Variants in RALGDS observed in about 807,000 individuals in gnomAD.
The protein encoded by RALGDS is ral guanine nucleotide dissociation stimulator, also known as ral guanine nucleotide exchange factor.
Under a neutral mutation model 99.8 loss-of-function variants are expected in RALGDS, and 44 were observed. That is an observed-to-expected ratio of 0.44 (90% CI 0.35 to 0.57). The LOEUF (loss-of-function observed/expected upper bound fraction) is 0.57. RALGDS is among the 20% of genes least tolerant of loss of function. RALGDS has a pLI of 0.01. For synonymous variants in RALGDS, 529 were observed against 505.0 expected, an observed-to-expected ratio of 1.05 and a Z score of -0.64; for missense variants, 1,022 against 1,203.1, an observed-to-expected ratio of 0.85 and a Z score of 2.23.
At chr9:133,120,349 C>A (rs979483543) in intron 1 of RALGDS, among the ~76,000 whole-genome samples, 17 of 152,122 alleles carry the variant, frequency 1.1e-4, no homozygotes, top group Non-Finnish European at 1.6e-4. Flanking sequence ...CCGCCCTGGG[C>A]CTGGGCCACC....
upstream of RALGDS, among the ~76,000 whole-genome samples, chr9:133,124,028 GCA>G (rs199594684): frequency 1.9e-5 from 1 of 51,824 alleles, no homozygotes; most frequent in Admixed American, 2.3e-4. Context: ...ACACAGAGAT[GCA>G]CACACAGAGA....
chr9:133,110,182 A>G (rs1831274311), intron 3 of RALGDS, 114 bp downstream of exon 3: 7 of 1,134,902 alleles, frequency 6.2e-6, no homozygotes, highest in Non-Finnish European at 9.0e-6. Flanking sequence ...TTTCTCTTTC[A>G]TATGAGCAAA....
At chr9:133,124,627 CT>C (rs1832090357), upstream of RALGDS, among the ~76,000 whole-genome samples, 1 of 152,216 alleles carries the variant, frequency 6.6e-6, no homozygotes, top group South Asian at 2.1e-4. Context: ...ACATGCCCCC[CT>C]AATGAAGGCA....
intron 11 of RALGDS, 76 bp downstream of exon 11, chr9:133,103,671 G>T: frequency 7.0e-7 from 1 of 1,429,154 alleles, no homozygotes; most frequent in Non-Finnish European, 9.9e-7. Flanking sequence ...TGGGACAGGT[G>T]TGGCAGCCCA....
At chr9:133,131,869 G>A (rs555697735), upstream of RALGDS, among the ~76,000 whole-genome samples, 22 of 152,358 alleles carry the variant, frequency 1.4e-4, no homozygotes, top group African/African-American at 3.8e-4. Context: ...GCACAAGGGC[G>A]CTGGAGGATT....
rs1831162479 is a variant in RALGDS, at chr9:133,108,148, G to A, written c.1037C>T (p.Ser346Leu). The change falls in exon 6 of 18, where the codon TCA becomes TTA. Residue 346 changes from serine (S) to leucine (L), a missense_variant. Physicochemically the swap from Ser to Leu is moderately radical, Grantham distance 145 (BLOSUM62 -2). This residue lies in a region of RALGDS where 825 missense variants were observed against 994.5 expected (regional missense o/e 0.83). Transcript: ENST00000372050. ...AGCTGGCTCCAGCTCTAGAGTTTGT[G>A]AGGGAGCTGGATCCTGTTCTGGAGC... ...EPAPEQDPAP[S>L]QTLELEPAPA... 2 of 1,610,276 alleles carry A rather than the reference G, an allele frequency of 1.2e-6. No individual in the cohort carries two copies. The highest frequency in any genetic ancestry group is 1.1e-5 in the South Asian group (1 of 90,878).
intron 1 of RALGDS, among the ~76,000 whole-genome samples, chr9:133,117,047 C>T (rs891918398): frequency 6.6e-6 from 1 of 152,192 alleles, no homozygotes; most frequent in Non-Finnish European, 1.5e-5. Context: ...AAAAGGCCTA[C>T]AAGACACCAG....
chr9:133,122,443 C>T (rs1186035102), upstream of RALGDS, among the ~76,000 whole-genome samples: 4 of 152,198 alleles, frequency 2.6e-5, no homozygotes, highest in South Asian at 2.1e-4. Flanking sequence ...ACTGAGAGGG[C>T]GGGACCAGAC....
rs61739697 is a variant in RALGDS at position 133,106,663 on chromosome 9, G to C, written c.1499C>G (p.Thr500Arg). The change falls in exon 8 of 18, where the codon ACG (threonine) becomes AGG (arginine). Residue 500 changes from threonine to arginine, a missense_variant. Transcript: ENST00000372050. Reference sequence around the variant, plus strand: ...TGCCCACCTGGAAACGTCTTCCCACGTCTTCTTCAGACGGTGGATGGAGTT... The same window carrying C: ...TGCCCACCTGGAAACGTCTTCCCACCTCTTCTTCAGACGGTGGATGGAGTT... ...QSNSIHRLKK[T>R]WEDVSRDSFR... The C allele has an allele frequency of 6.2e-7, 1 of 1,610,324 alleles. No homozygotes were observed. The highest frequency in any genetic ancestry group is 8.5e-7 in the Non-Finnish European group (1 of 1,178,148).
chr9:133,134,049 G>A (rs1406601176), upstream of RALGDS, among the ~76,000 whole-genome samples: 2 of 152,226 alleles, frequency 1.3e-5, no homozygotes, highest in African/African-American at 4.8e-5. Context: ...CTGCTGGCCA[G>A]ACTCGGTGTC....
At chr9:133,132,205 G>A (rs1464214072), upstream of RALGDS, among the ~76,000 whole-genome samples, 2 of 152,244 alleles carry the variant, frequency 1.3e-5, no homozygotes, top group Non-Finnish European at 2.9e-5. Context: ...TGCAAGGCAG[G>A]CCCGGTCCCG....
At chr9:133,129,179 G>C (rs1003277322) in intron 1 of RALGDS, 2 of 1,597,010 alleles carry the variant, frequency 1.3e-6, no homozygotes, top group African/African-American at 2.7e-5. Context: ...CAGCCAAGGT[G>C]TCGGGCTTTG....
At chr9:133,100,868 G>A (rs1830723389) in intron 16 of RALGDS, 1 of 1,057,624 alleles carries the variant, frequency 9.5e-7, no homozygotes, top group Non-Finnish European at 1.1e-6. Context: ...ACAGGTGACT[G>A]CTTAATGACA....
rs1830587945 is a variant in RALGDS, at chr9:133,098,159, G to A, written c.*428C>T. 14 of 308,754 alleles carry A rather than the reference G, an allele frequency of 4.5e-5. No homozygotes were observed. The South Asian group carries it at 8.0e-4, about 18-fold the overall frequency. 19.1% of individuals were successfully genotyped at this position (308,754 alleles called of 1,614,324 possible). A position where few individuals can be genotyped will look rare whatever the true frequency, so the allele number is the denominator to read the frequency against. On this transcript the variant is annotated 3_prime_UTR_variant, in exon 18 of 18. Transcript: ENST00000372050. ...AGTGGTGGGAGGGGCCGGGACCCCT[G>A]CGAAGGTCACAGGCCAGTGCCTGTG... is the stretch of plus-strand genomic sequence containing the variant.
intron 1 of RALGDS, among the ~76,000 whole-genome samples, chr9:133,120,299 G>T (rs1169823908): frequency 6.6e-6 from 1 of 152,130 alleles, no homozygotes; most frequent in South Asian, 2.1e-4. Context: ...CCGATTCAGG[G>T]TGTTGGCACT....
At chr9:133,101,159 G>C in intron 16 of RALGDS, 1 of 1,189,530 alleles carries the variant, frequency 8.4e-7, no homozygotes, top group South Asian at 1.7e-5. Context: ...TCTGGTACCA[G>C]CCCACACCAG....
intron 2 of RALGDS, 25 bp from the exon 3 acceptor site, chr9:133,110,514 G>C: frequency 6.3e-7 from 1 of 1,581,416 alleles, no homozygotes; most frequent in Non-Finnish European, 8.7e-7. Context: ...AGGAGGGACA[G>C]ACAGTCAGTG....
Position 133,103,505 on chromosome 9 carries a change from C to A in RALGDS, c.1758+242G>T, listed in dbSNP as rs970083842. ...GTGAGAAGGCCCTGCTCAGCCACCA[C>A]GTGCCGCCTGACCGCTGAGGGCCTG... On this transcript the variant is annotated intron_variant, in intron 11 of 17. Coordinates refer to ENST00000372050, the MANE Select transcript of RALGDS (RefSeq NM_006266.4). Among the ~76,000 whole-genome samples the A allele has an allele frequency of 1.3e-5, 2 of 152,160 alleles. 1 individual carries two copies. Among genetic ancestry groups the A allele is most frequent in the Admixed American group, 1.3e-4 (2 of 15,284 alleles).
intron 1 of RALGDS, among the ~76,000 whole-genome samples, chr9:133,112,729 C>T (rs1831409860): frequency 6.6e-6 from 1 of 152,218 alleles, no homozygotes; most frequent in Admixed American, 6.5e-5. Flanking sequence ...CCTCTGGGCC[C>T]AGCCCTGGTG....
Sources: gnomAD v4.1 joint callset for allele counts (sites outside exome capture counted in the v4.1 genomes callset) on GRCh38, gnomAD v4.1.1 for gene constraint, gnomAD v4.1.1 regional missense constraint, MANE v1.5 for transcripts, NCBI Gene and HGNC (gene_info 2026-07-23, HGNC 2026-07-21) for gene names.